LOXL1: variants seen among roughly 807,000 people sequenced by gnomAD.
LOXL1 encodes lysyl oxidase like 1.
Under a neutral mutation model 62.2 loss-of-function variants are expected in LOXL1, and 31 were observed. That is an observed-to-expected ratio of 0.50 (90% confidence interval 0.37 to 0.67). The LOEUF (loss-of-function observed/expected upper bound fraction) is 0.67, where lower values mean the gene tolerates loss of function less well. LOXL1 is among the 30% of genes least tolerant of loss of function. The pLI is 0.00. For missense variants in LOXL1, 775 were observed against 843.4 expected (o/e 0.92, Z 1.00); for synonymous variants, 403 against 384.4 (o/e 1.05, Z -0.56).
In LOXL1 at chr15:73,945,167, G is replaced by A. The variant is rs151191723; in HGVS notation, c.1212-1250G>A. Among the ~76,000 whole-genome samples, 4 of 152,280 alleles carry A rather than the reference G, an allele frequency of 2.6e-5. No homozygotes were observed. In the East Asian group the frequency reaches 7.7e-4, roughly 29 times the overall value. On this transcript the variant is annotated intron_variant, in intron 2 of 6. Coordinates refer to ENST00000261921, the MANE Select transcript of LOXL1 (RefSeq NM_005576.4). The surrounding 1 kb of genome is among the most constrained non-coding windows in gnomAD (Gnocchi z 4.3). ...TCCACCCTTTTCCTTTTGTCACAAG[G>A]CCTACCTCAGTTGGAAATCTGGAGT...
At chr15:73,940,810 T>C (rs528430664) in intron 1 of LOXL1, among the ~76,000 whole-genome samples, 31 of 152,346 alleles carry the variant, frequency 2.0e-4, no homozygotes, top group African/African-American at 6.7e-4. Flanking sequence ...AGGAACAGCA[T>C]TGGCCCTCAC....
In LOXL1 at chr15:73,935,378, G is replaced by C. The variant is rs76530090; in HGVS notation, c.1103-7476G>C. ...AAAGAGAGGTGTCAGGGATCACACA[G>C]TGGTTTATGGCTGGTGTGGCTGGAA... On this transcript the variant is annotated intron_variant, in intron 1 of 6. Coordinates refer to ENST00000261921, the MANE Select transcript of LOXL1 (RefSeq NM_005576.4). Among the ~76,000 whole-genome samples, 8 of 152,354 alleles carry C rather than the reference G, an allele frequency of 5.3e-5. No homozygotes were observed. The East Asian group carries it at 1.5e-3, about 29-fold the overall frequency.
rs1300194768 is a variant in LOXL1, at chr15:73,946,363, G to A, written c.1212-54G>A. 23 of 1,393,654 alleles carry A rather than the reference G, an allele frequency of 1.7e-5. No homozygotes were observed. The East Asian group carries it at 4.4e-4, about 27-fold the overall frequency. 86.3% of individuals were successfully genotyped at this position (1,393,654 alleles called of 1,614,324 possible). On this transcript the variant is annotated intron_variant, in intron 2 of 6. Coordinates refer to ENST00000261921, the MANE Select transcript of LOXL1 (RefSeq NM_005576.4). ...GTGGGGCTGAGGGGGCCCATGCTGG[G>A]TTCTGGTGTCACTGTGCCCCAACCC...
chr15:73,948,637 T>C (rs1249953134), intron 5 of LOXL1, among the ~76,000 whole-genome samples: 2 of 152,168 alleles, frequency 1.3e-5, no homozygotes, highest in Non-Finnish European at 2.9e-5. Context: ...AGTCAGCAGG[T>C]GGAGAGATGC....
chr15:73,947,429 C>T, intron 4 of LOXL1: 1 of 543,106 alleles, frequency 1.8e-6, no homozygotes, highest in East Asian at 3.0e-5. Context: ...CCATGTTATT[C>T]CAGGTGATCT....
intron 1 of LOXL1, among the ~76,000 whole-genome samples, chr15:73,931,565 C>T (rs1038905859): frequency 2.6e-5 from 4 of 152,152 alleles, no homozygotes; most frequent in Admixed American, 6.5e-5. Flanking sequence ...GCTCGTGGGC[C>T]TAGATGTTAC....
In LOXL1 at chr15:73,949,103, C is replaced by T. The variant is rs181474850; in HGVS notation, c.1603-356C>T. ...GGGATGCATAGGGAATGACTTTGAG[C>T]CTTGGATTTGGGGAGACCAGGTGTT... On this transcript the variant is annotated intron_variant, in intron 5 of 6. Transcript: ENST00000261921. Among the ~76,000 whole-genome samples, 86 of 152,290 alleles carry T rather than the reference C, an allele frequency of 5.6e-4. No homozygotes were observed. The East Asian group carries it at 0.016, about 28-fold the overall frequency.
intron 6 of LOXL1, 95 bp from the exon 7 acceptor site, chr15:73,951,736 G>A (rs895709366): frequency 4.4e-6 from 5 of 1,144,070 alleles, no homozygotes; most frequent in African/African-American, 1.6e-5. Flanking sequence ...GCCCTGCCAC[G>A]AGGGATCTGG....
At position 73,927,899 on chromosome 15, in the gene LOXL1, C is replaced by T. The variant is rs896383379; in HGVS notation, c.1102+14C>T. On this transcript the variant is annotated intron_variant, in intron 1 of 6. Coordinates refer to ENST00000261921, the MANE Select transcript of LOXL1 (RefSeq NM_005576.4). ...AGAACGGCCGCGGTGAGTACGGCCC[C>T]GGCGCCCCTCCGGCCGCGCGTACCC... The T allele has an allele frequency of 1.5e-6, 2 of 1,300,414 alleles. No individual in the cohort carries two copies. The highest frequency in any genetic ancestry group is 3.1e-5 in the African/African-American group (2 of 64,760). 80.6% of individuals were successfully genotyped at this position (1,300,414 alleles called of 1,614,324 possible). A position where few individuals can be genotyped will look rare whatever the true frequency, so the allele number is the denominator to read the frequency against.
chr15:73,941,989 G>A, intron 1 of LOXL1: 2 of 263,244 alleles, frequency 7.6e-6, no homozygotes. Context: ...AAGGACGGGG[G>A]CAGTCTCCAG....
rs1462492624 is a variant in LOXL1, at chr15:73,945,946, G to A, written c.1212-471G>A. Among the ~76,000 whole-genome samples, 6 of 151,950 alleles carry A rather than the reference G, an allele frequency of 3.9e-5. No individual in the cohort carries two copies. The highest frequency in any genetic ancestry group is 8.8e-5 in the Non-Finnish European group (6 of 67,972). On this transcript the variant is annotated intron_variant, in intron 2 of 6. Coordinates refer to ENST00000261921, the MANE Select transcript of LOXL1 (RefSeq NM_005576.4). The surrounding 1 kb of genome is among the most constrained non-coding windows in gnomAD (Gnocchi z 4.3). ...ATTTCTCACTATGTTGCCCAGGCTGGTCTCAAACTATGGGCCTCAAGTGAT... is the reference window on the plus strand; with the variant it reads ...ATTTCTCACTATGTTGCCCAGGCTGATCTCAAACTATGGGCCTCAAGTGAT...
chr15:73,940,989 C>T (rs141426482), intron 1 of LOXL1, among the ~76,000 whole-genome samples: 7 of 152,288 alleles, frequency 4.6e-5, no homozygotes, highest in Middle Eastern at 3.4e-3. Context: ...TGTCTGATGT[C>T]AAATGCTGGG....
intron 1 of LOXL1, among the ~76,000 whole-genome samples, chr15:73,935,188 A>T (rs1473571923): frequency 6.6e-6 from 1 of 152,200 alleles, no homozygotes; most frequent in Non-Finnish European, 1.5e-5. Context: ...AGGGCCCCTG[A>T]CTGCTGTGCC....
chr15:73,928,570 T>C (rs1318437162), intron 1 of LOXL1, among the ~76,000 whole-genome samples: 1 of 140,448 alleles, frequency 7.1e-6, no homozygotes, highest in Non-Finnish European at 1.5e-5. Flanking sequence ...TGAGTAATAT[T>C]GAGATGTATT....
In LOXL1 at chr15:73,946,366, C is replaced by G. The variant is rs368060458; in HGVS notation, c.1212-51C>G. 98 of 1,411,596 alleles carry G rather than the reference C, an allele frequency of 6.9e-5. 1 individual carries two copies. Among genetic ancestry groups the G allele is most frequent in the Non-Finnish European group, 9.2e-5 (93 of 1,005,828 alleles). The allele number at this position is 1,411,596 out of a possible 1,614,324, so 87.4% of individuals were successfully genotyped here. A position where few individuals can be genotyped will look rare whatever the true frequency, so the allele number is the denominator to read the frequency against. Reference sequence around the variant, plus strand: ...GGGCTGAGGGGGCCCATGCTGGGTTCTGGTGTCACTGTGCCCCAACCCCCC... The same window carrying G: ...GGGCTGAGGGGGCCCATGCTGGGTTGTGGTGTCACTGTGCCCCAACCCCCC... On this transcript the variant is annotated intron_variant, in intron 2 of 6. Coordinates refer to ENST00000261921, the MANE Select transcript of LOXL1 (RefSeq NM_005576.4).
In LOXL1 at chr15:73,942,948, GA is replaced by G; in HGVS notation, c.1199del (p.Lys400SerfsTer27). On this transcript the variant is annotated frameshift_variant, in exon 2 of 7. Transcript: ENST00000261921. LOFTEE classifies it high-confidence loss of function. ...LYSLRCAAEE[K>X]CLASTAYAPE... Reference sequence around the variant, plus strand: ...ACTCCCTGCGCTGTGCTGCGGAGGAGAAGTGTCTGGCCAGGTAAGGAGCTGA... The same window carrying G: ...ACTCCCTGCGCTGTGCTGCGGAGGAGAGTGTCTGGCCAGGTAAGGAGCTGA... The G allele has an allele frequency of 6.2e-7, 1 of 1,613,606 alleles. No homozygotes were observed. Among genetic ancestry groups the G allele is most frequent in the Non-Finnish European group, 8.5e-7 (1 of 1,179,532 alleles).
intron 1 of LOXL1, among the ~76,000 whole-genome samples, chr15:73,929,727 G>A (rs937195842): frequency 1.3e-5 from 2 of 152,246 alleles, no homozygotes; most frequent in Non-Finnish European, 2.9e-5. Flanking sequence ...GCCCCTTGGA[G>A]AATAGGATGT....
chr15:73,935,296 T>C (rs2068663258), intron 1 of LOXL1, among the ~76,000 whole-genome samples: 1 of 152,052 alleles, frequency 6.6e-6, no homozygotes, highest in Admixed American at 6.5e-5. Context: ...CTTTAGGGTA[T>C]GTTCTTGAGA....
At chr15:73,939,343 G>C (rs761473677) in intron 1 of LOXL1, among the ~76,000 whole-genome samples, 5 of 152,288 alleles carry the variant, frequency 3.3e-5, no homozygotes, top group African/African-American at 9.6e-5. Flanking sequence ...GGTGAGGCGG[G>C]GGGGCCTGGC....
Sources: allele counts gnomAD v4.1 joint callset (sites outside exome capture counted in the v4.1 genomes callset), GRCh38; gene constraint gnomAD v4.1.1; non-coding constraint Gnocchi (gnomAD v3.1); transcripts MANE v1.5; gene names NCBI Gene and HGNC (gene_info 2026-07-23, HGNC 2026-07-21).